SSBP2: variants seen among roughly 807,000 people sequenced by gnomAD.
The protein encoded by SSBP2 is single-stranded DNA-binding protein 2.
SSBP2 carries 17 observed loss-of-function variants against 61.8 expected under a neutral mutation model. The ratio of observed to expected loss-of-function variants is 0.28; its 90% CI spans 0.19 to 0.41. The LOEUF (loss-of-function observed/expected upper bound fraction) is 0.41, where lower values mean the gene tolerates loss of function less well. Ranked by LOEUF, SSBP2 falls within the 10% of genes least tolerant of loss-of-function variation. The pLI, the probability that SSBP2 is intolerant of heterozygous loss-of-function variation, is 1.00. For synonymous variants in SSBP2, 139 were observed against 141.3 expected, an observed-to-expected ratio of 0.98 and a Z score of 0.12; for missense variants, 310 against 458.7, an observed-to-expected ratio of 0.68 and a Z score of 2.96.
chr5:81,671,430 G>T (rs1404591866), intron 1 of SSBP2, among the ~76,000 whole-genome samples: 2 of 152,034 alleles, frequency 1.3e-5, no homozygotes, highest in Non-Finnish European at 2.9e-5. Flanking sequence ...GAGAACCAAT[G>T]AAATGTAATT....
At chr5:81,637,553 G>A (rs888065770) in intron 2 of SSBP2, among the ~76,000 whole-genome samples, 1 of 152,162 alleles carries the variant, frequency 6.6e-6, no homozygotes, top group Non-Finnish European at 1.5e-5. Context: ...AATGGGATAT[G>A]GGCATAAACT....
At chr5:81,594,305 A>G (rs1439024002) in intron 4 of SSBP2, among the ~76,000 whole-genome samples, 3 of 152,226 alleles carry the variant, frequency 2.0e-5, no homozygotes, top group Non-Finnish European at 4.4e-5. Flanking sequence ...TCCTAAATAT[A>G]TAGGCACCCA....
At chr5:81,696,243 G>A (rs1342465863) in intron 1 of SSBP2, among the ~76,000 whole-genome samples, 2 of 152,098 alleles carry the variant, frequency 1.3e-5, no homozygotes, top group Non-Finnish European at 2.9e-5. Context: ...TTTTCTAGGT[G>A]CGAAGGATTC....
At chr5:81,547,537 G>C (rs1017280391) in intron 4 of SSBP2, among the ~76,000 whole-genome samples, 3 of 152,156 alleles carry the variant, frequency 2.0e-5, no homozygotes, top group Non-Finnish European at 2.9e-5. Context: ...CACAATCATA[G>C]CTCACTGCAA....
chr5:81,748,220 A>G (rs1757476964), intron 1 of SSBP2, among the ~76,000 whole-genome samples: 1 of 152,210 alleles, frequency 6.6e-6, no homozygotes, highest in African/African-American at 2.4e-5. Context: ...CTCCTTTTGC[A>G]GAATGTTTTT....
At chr5:81,594,955 G>A (rs960342844) in intron 4 of SSBP2, among the ~76,000 whole-genome samples, 145 of 151,990 alleles carry the variant, frequency 9.5e-4, no homozygotes, top group African/African-American at 3.0e-3. Context: ...GAGCAAACAC[G>A]TTCAAAAGCT....
At chr5:81,432,446 T>C (rs975396369) in intron 15 of SSBP2, among the ~76,000 whole-genome samples, 9 of 152,170 alleles carry the variant, frequency 5.9e-5, no homozygotes, top group Admixed American at 3.9e-4. Flanking sequence ...TAGCTGCTTT[T>C]CTTCTAAGAA....
At position 81,712,728 on chromosome 5, in the gene SSBP2, GT is replaced by G. The variant is rs34642922; in HGVS notation, c.62+38252del. Among the ~76,000 whole-genome samples, 45 of 142,224 alleles carry G rather than the reference GT, an allele frequency of 3.2e-4. 1 individual carries two copies. In the East Asian group the frequency reaches 4.7e-3, roughly 15 times the overall value. The allele number at this position is 142,224 out of a possible 152,430, so 93.3% of individuals were successfully genotyped here. ...AAAGGGACTTTTTGTTTGTTTCTTT[GT>G]TTTTTTTTTTTTGTTTTTTTTGACA... On this transcript the variant is annotated intron_variant, in intron 1 of 16. Coordinates refer to ENST00000320672, the MANE Select transcript of SSBP2 (RefSeq NM_012446.5).
intron 6 of SSBP2, among the ~76,000 whole-genome samples, chr5:81,476,350 C>T (rs1436403527): frequency 6.6e-6 from 1 of 152,174 alleles, no homozygotes; most frequent in Non-Finnish European, 1.5e-5. Flanking sequence ...TCATGGAAGA[C>T]ATGTTACATT....
intron 4 of SSBP2, among the ~76,000 whole-genome samples, chr5:81,560,383 C>T (rs1227002792): frequency 6.6e-6 from 1 of 151,078 alleles, no homozygotes; most frequent in Admixed American, 6.6e-5. Flanking sequence ...CAAAGGGTTG[C>T]AGGAAAAAAA....
chr5:81,493,432 G>A (rs1262189103), intron 5 of SSBP2, among the ~76,000 whole-genome samples: 2 of 151,660 alleles, frequency 1.3e-5, no homozygotes, highest in Non-Finnish European at 2.9e-5. Flanking sequence ...CTACAGGTGT[G>A]GTACACAACA....
intron 3 of SSBP2, among the ~76,000 whole-genome samples, chr5:81,626,886 G>A (rs1747216060): frequency 6.6e-6 from 1 of 152,210 alleles, no homozygotes. Flanking sequence ...ATGTGTTACT[G>A]AGATGAGCAC....
intron 5 of SSBP2, among the ~76,000 whole-genome samples, chr5:81,507,562 A>G (rs1051830871): frequency 3.3e-5 from 5 of 152,156 alleles, no homozygotes; most frequent in African/African-American, 1.2e-4. Flanking sequence ...CAAAGATATT[A>G]TCCACATTAG....
intron 1 of SSBP2, among the ~76,000 whole-genome samples, chr5:81,660,104 C>T (rs990288712): frequency 6.6e-6 from 1 of 152,156 alleles, no homozygotes; most frequent in African/African-American, 2.4e-5. Flanking sequence ...AGGACACAGG[C>T]ATGAGCAAAA....
intron 16 of SSBP2, among the ~76,000 whole-genome samples, chr5:81,422,990 C>T (rs760484947): frequency 7.2e-5 from 11 of 152,182 alleles, no homozygotes; most frequent in Non-Finnish European, 1.5e-4. Flanking sequence ...CCAGAGCCTG[C>T]GGCTAAACAG....
chr5:81,689,403 G>A (rs573017491), intron 1 of SSBP2, among the ~76,000 whole-genome samples: 96 of 152,058 alleles, frequency 6.3e-4, no homozygotes, highest in Non-Finnish European at 6.6e-4. Context: ...ACCGAAATAA[G>A]ACTATCTCAA....
At chr5:81,651,509 T>C (rs1359309975) in intron 1 of SSBP2, among the ~76,000 whole-genome samples, 1 of 152,034 alleles carries the variant, frequency 6.6e-6, no homozygotes, top group Non-Finnish European at 1.5e-5. Flanking sequence ...CTTGAGAGAG[T>C]AGACCTGTTA....
chr5:81,702,873 T>C (rs1189043430), intron 1 of SSBP2, among the ~76,000 whole-genome samples: 2 of 152,196 alleles, frequency 1.3e-5, no homozygotes, highest in Non-Finnish European at 1.5e-5. Flanking sequence ...AAGCCTTATA[T>C]TGAACTACAG....
intron 1 of SSBP2, among the ~76,000 whole-genome samples, chr5:81,693,861 G>C (rs888781048): frequency 6.6e-6 from 1 of 152,112 alleles, no homozygotes; most frequent in Non-Finnish European, 1.5e-5. Flanking sequence ...TCAGTATATT[G>C]AAGAGATACC....
Sources: allele counts gnomAD v4.1 joint callset (sites outside exome capture counted in the v4.1 genomes callset), GRCh38; gene constraint gnomAD v4.1.1; transcripts MANE v1.5; gene names NCBI Gene and HGNC (gene_info 2026-07-23, HGNC 2026-07-21).